Variants in DIP2B observed in about 807,000 individuals in gnomAD.
The protein encoded by DIP2B is DIP2 acetate--CoA ligase B (putative), also known as disco-interacting protein 2 homolog B.
DIP2B carries 76 observed loss-of-function variants against 198.0 expected under a neutral mutation model. That is an observed-to-expected ratio of 0.38 (90% CI 0.32 to 0.46). DIP2B has a LOEUF of 0.46. Among genes scored for constraint, DIP2B ranks in the 20% least tolerant of loss-of-function variants. The probability of loss-of-function intolerance (pLI) is 0.99; values close to 1 mark genes in which losing one functional copy is unlikely to be tolerated. For missense variants in DIP2B, 1,559 were observed against 1,978.4 expected, an observed-to-expected ratio of 0.79 and a Z score of 4.02; for synonymous variants, 701 against 739.1, an observed-to-expected ratio of 0.95 and a Z score of 0.84.
At chr12:50,620,996 T>A (rs1937801301) in intron 1 of DIP2B, among the ~76,000 whole-genome samples, 2 of 152,222 alleles carry the variant, frequency 1.3e-5, no homozygotes, top group Non-Finnish European at 2.9e-5. Flanking sequence ...TGGATCTTAA[T>A]CCAGACTTAG....
At chr12:50,535,205 C>T (rs958575949) in intron 1 of DIP2B, among the ~76,000 whole-genome samples, 1 of 152,004 alleles carries the variant, frequency 6.6e-6, no homozygotes, top group Admixed American at 6.6e-5. Context: ...GCACTCCAGC[C>T]TGTGAGACAG....
intron 30 of DIP2B, 109 bp from the exon 31 acceptor site, chr12:50,731,260 C>T: frequency 7.5e-7 from 1 of 1,334,820 alleles, no homozygotes; most frequent in Middle Eastern, 2.0e-4. Flanking sequence ...CTCATATGTC[C>T]CTACACTGTC....
At chr12:50,667,707 C>T (rs143710698) in intron 4 of DIP2B, among the ~76,000 whole-genome samples, 3 of 152,304 alleles carry the variant, frequency 2.0e-5, no homozygotes, top group African/African-American at 7.2e-5. Flanking sequence ...TAGTCAGTTT[C>T]TGCTATCTTT....
At chr12:50,658,533 CATATACTTTG>C (rs1791829809) in intron 3 of DIP2B, among the ~76,000 whole-genome samples, 1 of 152,138 alleles carries the variant, frequency 6.6e-6, no homozygotes, top group South Asian at 2.1e-4. Flanking sequence ...GAAATAAGTA[CATATACTTTG>C]ATCTCAGCAG....
intron 4 of DIP2B, among the ~76,000 whole-genome samples, chr12:50,661,987 G>C (rs1521517): frequency 0.89 from 135,016 of 152,160 alleles, 60,757 homozygotes; most frequent in Non-Finnish European, 0.98. Flanking sequence ...GGGAATTCAC[G>C]AACTCTAGAA....
intron 30 of DIP2B, 22 bp from the exon 31 acceptor site, chr12:50,731,347 G>C (rs1280760425): frequency 1.9e-6 from 3 of 1,608,522 alleles, no homozygotes; most frequent in African/African-American, 2.7e-5. Flanking sequence ...GATGATTCCA[G>C]CTCTTGTCTC....
intron 1 of DIP2B, among the ~76,000 whole-genome samples, chr12:50,532,049 G>T (rs796182434): frequency 2.0e-5 from 3 of 152,172 alleles, no homozygotes; most frequent in South Asian, 2.1e-4. Context: ...CAAAGCTTGA[G>T]ACCCTAAGTG....
intron 1 of DIP2B, among the ~76,000 whole-genome samples, chr12:50,537,058 T>C (rs1958274470): frequency 6.6e-6 from 1 of 150,758 alleles, no homozygotes; most frequent in African/African-American, 2.4e-5. Flanking sequence ...TCCTGTGCTT[T>C]TTTTTTTTTA....
chr12:50,685,257 C>T (rs959959765), intron 10 of DIP2B, among the ~76,000 whole-genome samples: 2 of 152,100 alleles, frequency 1.3e-5, no homozygotes, highest in Non-Finnish European at 2.9e-5. Flanking sequence ...CATAATGATG[C>T]TTGTAAGATG....
intron 1 of DIP2B, among the ~76,000 whole-genome samples, chr12:50,577,831 T>TAC (rs1958677375): frequency 6.6e-6 from 1 of 151,926 alleles, no homozygotes; most frequent in Non-Finnish European, 1.5e-5. Flanking sequence ...TGCAGCTATG[T>TAC]AGTTGGAAGA....
intron 1 of DIP2B, among the ~76,000 whole-genome samples, chr12:50,583,974 C>G (rs1161172103): frequency 6.6e-6 from 1 of 152,182 alleles, no homozygotes; most frequent in Non-Finnish European, 1.5e-5. Context: ...TGAGGGCATC[C>G]AGTCATTTTC....
At chr12:50,542,715 G>A (rs958115023) in intron 1 of DIP2B, among the ~76,000 whole-genome samples, 1 of 152,152 alleles carries the variant, frequency 6.6e-6, no homozygotes, top group Non-Finnish European at 1.5e-5. Context: ...ACAGGTGCTG[G>A]AACAATTGCA....
chr12:50,578,870 A>G (rs1247449674), intron 1 of DIP2B, among the ~76,000 whole-genome samples: 1 of 152,144 alleles, frequency 6.6e-6, no homozygotes, highest in Non-Finnish European at 1.5e-5. Flanking sequence ...AGGTGCGGAA[A>G]ATTTTATTTA....
intron 21 of DIP2B, 122 bp downstream of exon 21, chr12:50,706,787 C>T (rs1301005052): frequency 8.5e-6 from 10 of 1,174,550 alleles, no homozygotes; most frequent in East Asian, 2.5e-5. Context: ...TTTTGTTAAG[C>T]ATTGCATAAG....
In DIP2B at chr12:50,704,231, C is replaced by A; in HGVS notation, c.2406+11C>A. ...GGGTTTGTAGGGCCGGTAAGTGATGCTTTCATGTTGATTTTGTTACATTTG... is the reference window on the plus strand; with the variant it reads ...GGGTTTGTAGGGCCGGTAAGTGATGATTTCATGTTGATTTTGTTACATTTG... On this transcript the variant is annotated intron_variant, in intron 20 of 37. Coordinates refer to ENST00000301180, the MANE Select transcript of DIP2B (RefSeq NM_173602.3). 1 of 1,604,854 alleles carries A rather than the reference C, an allele frequency of 6.2e-7. No homozygotes were observed.
chr12:50,509,788 C>T (rs991389982), intron 1 of DIP2B, among the ~76,000 whole-genome samples: 1 of 152,212 alleles, frequency 6.6e-6, no homozygotes, highest in South Asian at 2.1e-4. Flanking sequence ...TCATGGGAAA[C>T]GGGGCCACTT....
chr12:50,522,165 T>G (rs1442727767), intron 1 of DIP2B, among the ~76,000 whole-genome samples: 1 of 151,838 alleles, frequency 6.6e-6, no homozygotes, highest in African/African-American at 2.4e-5. Flanking sequence ...CACACCCAGC[T>G]AATTTTTATA....
chr12:50,601,076 A>T (rs774032386), intron 1 of DIP2B, among the ~76,000 whole-genome samples: 5 of 152,026 alleles, frequency 3.3e-5, no homozygotes, highest in African/African-American at 4.8e-5. Flanking sequence ...ACCTTCTATC[A>T]TTCCATATAA....
chr12:50,651,605 T>G (rs570990241), intron 3 of DIP2B, among the ~76,000 whole-genome samples: 2 of 152,308 alleles, frequency 1.3e-5, no homozygotes, highest in Non-Finnish European at 2.9e-5. Flanking sequence ...ATTGTGTAGT[T>G]TTGGCACCTT....
Sources: gnomAD v4.1 joint callset for allele counts (sites outside exome capture counted in the v4.1 genomes callset) on GRCh38, gnomAD v4.1.1 for gene constraint, MANE v1.5 for transcripts, NCBI Gene and HGNC (gene_info 2026-07-23, HGNC 2026-07-21) for gene names.